The following RBFOX1 variants were observed in gnomAD, a reference collection of about 807,000 sequenced individuals.
RBFOX1 encodes the protein RNA binding fox-1 homolog 1.
A neutral mutation model predicts 57.7 loss-of-function variants in RBFOX1; 8 were observed. The ratio of observed to expected loss-of-function variants is 0.14; its 90% CI spans 0.08 to 0.25. The LOEUF (loss-of-function observed/expected upper bound fraction) is 0.25. Ranked by LOEUF, RBFOX1 falls within the 10% of genes least tolerant of loss-of-function variation. The pLI is 1.00. For missense variants in RBFOX1, 611 were observed against 548.5 expected, an observed-to-expected ratio of 1.11 and a Z score of -1.14; for synonymous variants, 326 against 222.4, an observed-to-expected ratio of 1.47 and a Z score of -4.15.
intron 4 of RBFOX1, among the ~76,000 whole-genome samples, chr16:7,275,042 G>A (rs1303763827): frequency 1.3e-5 from 2 of 152,160 alleles, no homozygotes; most frequent in African/African-American, 4.8e-5. Flanking sequence ...GGTGGTCGAA[G>A]GGTGGTGGAG....
At chr16:6,229,707 T>TA (rs5815295) in intron 1 of RBFOX1, among the ~76,000 whole-genome samples, 5,115 of 145,710 alleles carry the variant, frequency 0.035, 96 homozygotes, top group Middle Eastern at 0.053. Context: ...TTTCAAGGCT[T>TA]AAAAAAAAAA....
intron 2 of RBFOX1, among the ~76,000 whole-genome samples, chr16:5,488,360 G>C (rs1241262427): frequency 2.0e-5 from 3 of 150,308 alleles, no homozygotes. Flanking sequence ...GGTGATGGCA[G>C]ATGATGGTGA....
chr16:5,383,979 G>T (rs1025472628), intron 1 of RBFOX1, among the ~76,000 whole-genome samples: 2 of 152,154 alleles, frequency 1.3e-5, no homozygotes, highest in African/African-American at 2.4e-5. Flanking sequence ...CTCCATGCTG[G>T]CTTCACTATC....
At chr16:7,393,835 A>G (rs553256535) in intron 4 of RBFOX1, among the ~76,000 whole-genome samples, 1 of 152,302 alleles carries the variant, frequency 6.6e-6, no homozygotes, top group African/African-American at 2.4e-5. Flanking sequence ...GCCAAGTCCA[A>G]ACATTCAGAG....
At chr16:7,027,762 T>C (rs2041414678) in intron 3 of RBFOX1, among the ~76,000 whole-genome samples, 1 of 149,348 alleles carries the variant, frequency 6.7e-6, no homozygotes, top group Non-Finnish European at 1.5e-5. Flanking sequence ...ATTTGTAACA[T>C]ACAGCTTGCA....
intron 3 of RBFOX1, among the ~76,000 whole-genome samples, chr16:7,025,360 G>T (rs979981710): frequency 6.6e-6 from 1 of 152,120 alleles, no homozygotes; most frequent in Non-Finnish European, 1.5e-5. Flanking sequence ...GTTTTGGCTG[G>T]CTTCTTTACT....
rs569512981 is a variant in RBFOX1 at position 7,313,193 on chromosome 16, G to A, written c.28-204954G>A. ...TGCTTTGGATCTATCTATTGTCTCTGCTTAAACTCGTTGACAGGTTCCCTC... is the reference window on the plus strand; with the variant it reads ...TGCTTTGGATCTATCTATTGTCTCTACTTAAACTCGTTGACAGGTTCCCTC... On this transcript the variant is annotated intron_variant, in intron 4 of 15. Transcript: ENST00000550418. Among the ~76,000 whole-genome samples, 5 of 152,272 alleles carry A rather than the reference G, an allele frequency of 3.3e-5. No individual in the cohort carries two copies. The South Asian group carries it at 1.0e-3, about 32-fold the overall frequency.
In RBFOX1 at chr16:5,866,402, A is replaced by C. The variant is rs971990568; in HGVS notation, c.319-901A>C. On this transcript the variant is annotated intron_variant, in intron 3 of 19. Coordinates refer to the RBFOX1 transcript ENST00000641259. Reference sequence around the variant, plus strand: ...TGGGGGTTAGGGGTTCATTATATGAATTTTGGGGACATAGCTCAGTCCAAG... The same window carrying C: ...TGGGGGTTAGGGGTTCATTATATGACTTTTGGGGACATAGCTCAGTCCAAG... Among the ~76,000 whole-genome samples the C allele has an allele frequency of 1.5e-4, 23 of 152,204 alleles. 1 individual carries two copies. Among genetic ancestry groups the C allele is most frequent in the Non-Finnish European group, 2.8e-4 (19 of 68,038 alleles).
chr16:5,345,787 T>G (rs1266657048), intron 1 of RBFOX1, among the ~76,000 whole-genome samples: 1 of 152,118 alleles, frequency 6.6e-6, no homozygotes, highest in Non-Finnish European at 1.5e-5. Flanking sequence ...AGCTTCCAGG[T>G]TTTCATTTTA....
At chr16:5,761,756 C>T (rs1333530335) in intron 3 of RBFOX1, among the ~76,000 whole-genome samples, 1 of 152,182 alleles carries the variant, frequency 6.6e-6, no homozygotes, top group African/African-American at 2.4e-5. Flanking sequence ...CTCTATCAGG[C>T]TCTTTGGCTA....
At chr16:7,705,084 A>C (rs1423853192) in intron 14 of RBFOX1, among the ~76,000 whole-genome samples, 3 of 151,714 alleles carry the variant, frequency 2.0e-5, no homozygotes, top group Non-Finnish European at 2.9e-5. Context: ...CCAGAGAAAG[A>C]AGCATCTCTT....
intron 3 of RBFOX1, among the ~76,000 whole-genome samples, chr16:6,655,111 T>C (rs76995269): frequency 1.3e-5 from 2 of 151,804 alleles, no homozygotes; most frequent in Non-Finnish European, 2.9e-5. Context: ...TGGTGGCTCA[T>C]GCCTATAATC....
chr16:7,333,150 AT>A, intron 4 of RBFOX1: 2 of 1,492,118 alleles, frequency 1.3e-6, no homozygotes, highest in Non-Finnish European at 9.3e-7. Context: ...AATAATTGGA[AT>A]TTTTATGGTT....
At chr16:6,859,649 T>G (rs898837377) in intron 3 of RBFOX1, among the ~76,000 whole-genome samples, 1 of 152,148 alleles carries the variant, frequency 6.6e-6, no homozygotes, top group South Asian at 2.1e-4. Context: ...GAACTGTGTT[T>G]GTGAGATACT....
intron 3 of RBFOX1, among the ~76,000 whole-genome samples, chr16:6,841,534 C>T (rs1477321007): frequency 3.9e-5 from 6 of 152,320 alleles, no homozygotes; most frequent in East Asian, 3.9e-4. Context: ...CCTAACCTCA[C>T]GCTAATGAGG....
At chr16:6,909,031 T>C (rs1001210167) in intron 3 of RBFOX1, among the ~76,000 whole-genome samples, 5 of 152,190 alleles carry the variant, frequency 3.3e-5, no homozygotes. Context: ...AGGTTCTTAT[T>C]GTTGCTATAA....
At chr16:5,813,405 C>G (rs1358905038) in intron 3 of RBFOX1, among the ~76,000 whole-genome samples, 2 of 152,140 alleles carry the variant, frequency 1.3e-5, no homozygotes, top group East Asian at 1.9e-4. Flanking sequence ...CCATTCCTCC[C>G]CGGCCCTCAG....
chr16:6,596,710 T>G (rs2097779758), intron 2 of RBFOX1, among the ~76,000 whole-genome samples: 1 of 152,204 alleles, frequency 6.6e-6, no homozygotes, highest in African/African-American at 2.4e-5. Context: ...TACCAAGTCT[T>G]TTGAACTGTA....
intron 4 of RBFOX1, among the ~76,000 whole-genome samples, chr16:7,195,198 G>A (rs921516982): frequency 6.6e-6 from 1 of 152,168 alleles, no homozygotes; most frequent in African/African-American, 2.4e-5. Context: ...GGTGGACTCT[G>A]TTCATGGACT....
Sources: allele counts gnomAD v4.1 joint callset (sites outside exome capture counted in the v4.1 genomes callset), GRCh38; gene constraint gnomAD v4.1.1; transcripts MANE v1.5; gene names NCBI Gene and HGNC (gene_info 2026-07-23, HGNC 2026-07-21).